The following OTC variants were observed in gnomAD, a reference collection of about 807,000 sequenced individuals.
OTC encodes ornithine transcarbamylase.
OTC carries 3 observed loss-of-function variants against 30.3 expected under a neutral mutation model. The observed-to-expected ratio is 0.10, with a 90% CI of 0.05 to 0.26. The LOEUF is 0.26. OTC is among the 10% of genes least tolerant of loss of function. The pLI is 1.00. For missense variants in OTC, 194 were observed against 260.3 expected (o/e 0.75, Z 1.75); for synonymous variants, 111 against 99.7 (o/e 1.11, Z -0.67).
upstream of OTC, among the ~76,000 whole-genome samples, chrX:38,350,994 A>G (rs190009225): frequency 8.9e-6 from 1 of 111,933 alleles, no homozygotes; most frequent in African/African-American, 3.2e-5. Flanking sequence ...AACCTATTCA[A>G]TAACTGGCCT....
chrX:38,405,430 C>A (rs1163108097), intron 6 of OTC, among the ~76,000 whole-genome samples: 1 of 111,174 alleles, frequency 9.0e-6, no homozygotes, highest in Non-Finnish European at 1.9e-5. Flanking sequence ...CCAGGCATTC[C>A]CATTTTCCCT....
intron 9 of OTC, among the ~76,000 whole-genome samples, chrX:38,419,671 C>G (rs1290856149): frequency 9.0e-6 from 1 of 111,510 alleles, no homozygotes; most frequent in Non-Finnish European, 1.9e-5. Flanking sequence ...TTATGTATGT[C>G]GATTTCATTT....
chrX:38,338,178 C>T, the OTC span, among the ~76,000 whole-genome samples: 1 of 112,110 alleles, frequency 8.9e-6, no homozygotes. Context: ...CATGCAGGAT[C>T]AAACCAAAGT....
At chrX:38,413,665 ATTTTT>A (rs11397097) in intron 9 of OTC, among the ~76,000 whole-genome samples, 1 of 97,196 alleles carries the variant, frequency 1.0e-5, no homozygotes, top group African/African-American at 3.7e-5. Flanking sequence ...TGGCACATCT[ATTTTT>A]TTTTTTTGTT....
At chrX:38,378,572 A>C (rs984947215) in intron 3 of OTC, among the ~76,000 whole-genome samples, 4 of 111,830 alleles carry the variant, frequency 3.6e-5, no homozygotes, top group African/African-American at 1.3e-4. Context: ...ATTAGAGCTA[A>C]TAAGTAGTCA....
chrX:38,412,085 T>A, intron 9 of OTC, 86 bp downstream of exon 9: 1 of 960,953 alleles, frequency 1.0e-6, no homozygotes, highest in Non-Finnish European at 1.5e-6. Flanking sequence ...AATAAGCAAG[T>A]GAGATTATCC....
At chrX:38,335,054 A>G in the OTC span, among the ~76,000 whole-genome samples, 1 of 110,838 alleles carries the variant, frequency 9.0e-6, no homozygotes, top group Admixed American at 9.6e-5. Context: ...AACATTCCCC[A>G]CCCTCTGGTC....
intron 3 of OTC, among the ~76,000 whole-genome samples, chrX:38,380,762 T>A (rs1202243280): frequency 8.9e-6 from 1 of 111,858 alleles, no homozygotes; most frequent in African/African-American, 3.3e-5. Flanking sequence ...AGAGTCTTGC[T>A]CTGTTGCTCA....
chrX:38,364,359 A>G (rs1280396734), intron 1 of OTC, among the ~76,000 whole-genome samples: 1 of 112,193 alleles, frequency 8.9e-6, no homozygotes, highest in Non-Finnish European at 1.9e-5. Context: ...TGGAGAGCCC[A>G]TGACTCACAT....
intron 1 of OTC, among the ~76,000 whole-genome samples, chrX:38,366,611 C>T (rs1482223769): frequency 8.9e-6 from 1 of 111,753 alleles, no homozygotes; most frequent in Non-Finnish European, 1.9e-5. Context: ...TAATTTTATG[C>T]TCACAACAAC....
At chrX:38,412,088 G>C (rs772262922) in intron 9 of OTC, 89 bp downstream of exon 9, 1 of 940,507 alleles carries the variant, frequency 1.1e-6, no homozygotes, top group African/African-American at 2.0e-5. Context: ...AAGCAAGTGA[G>C]ATTATCCAAC....
the OTC span, among the ~76,000 whole-genome samples, chrX:38,328,768 GAAT>G: frequency 4.5e-5 from 5 of 112,178 alleles, no homozygotes; most frequent in Non-Finnish European, 9.4e-5. Flanking sequence ...GCTTTGTAGA[GAAT>G]AAACTGGAGC....
At position 38,390,790 on chromosome X, in the gene OTC, A is replaced by G. The variant is rs185647397; in HGVS notation, c.386+9361A>G. On this transcript the variant is annotated intron_variant, in intron 4 of 9. Coordinates refer to ENST00000039007, the MANE Select transcript of OTC (RefSeq NM_000531.6). The stretch of plus-strand genomic sequence containing the variant: ...CATCCATGTTTGCTCATCAACATCC[A>G]TGTTTGATCTGGCCCAGCACACTAC... 3.2e-4 allele frequency among the ~76,000 whole-genome samples: 36 copies of G among 112,077 alleles called. 2 individuals carry two copies. The Admixed American group carries it at 3.4e-3, about 11-fold the overall frequency.
chrX:38,418,585 C>A (rs1264324826), intron 9 of OTC, among the ~76,000 whole-genome samples: 1 of 111,818 alleles, frequency 8.9e-6, no homozygotes, highest in Non-Finnish European at 1.9e-5. Flanking sequence ...TGGCTGTGTC[C>A]CCACCCAAAT....
rs2068223835 is a variant in OTC at position 38,352,621 on chromosome X, T to C, written c.-76T>C. On this transcript the variant is annotated 5_prime_UTR_variant, in exon 1 of 10. Transcript: ENST00000039007. The stretch of plus-strand genomic sequence containing the variant: ...TGCAACTGAACACATTTCTTAGTTT[T>C]TAGGTGGCCCCCGCTGGCTAACTTG... The C allele has an allele frequency of 1.3e-6, 1 of 760,855 alleles. No homozygotes were observed. The highest frequency in any genetic ancestry group is 2.0e-6 in the Non-Finnish European group (1 of 489,363). The allele number at this position is 760,855 out of a possible 1,213,427, so 62.7% of individuals were successfully genotyped here.
intron 1 of OTC, among the ~76,000 whole-genome samples, chrX:38,354,795 A>G (rs1226946401): frequency 2.7e-5 from 3 of 111,848 alleles, no homozygotes; most frequent in African/African-American, 9.8e-5. Context: ...CTCACGTGGC[A>G]TAGGTATTTT....
intron 4 of OTC, chrX:38,395,934 T>TGA (rs977189382): frequency 2.7e-5 from 3 of 109,623 alleles, no homozygotes; most frequent in African/African-American, 1.0e-4. Context: ...GGCCAGAGGA[T>TGA]GAGAGAGAGC....
chrX:38,352,504 G>T (rs991532676), upstream of OTC: 2 of 420,511 alleles, frequency 4.8e-6, no homozygotes, highest in African/African-American at 5.0e-5. Flanking sequence ...TTGGCATAAA[G>T]TTCAAATGCT....
chrX:38,413,179 G>C (rs1231949376), intron 9 of OTC, among the ~76,000 whole-genome samples: 1 of 112,210 alleles, frequency 8.9e-6, no homozygotes, highest in African/African-American at 3.2e-5. Flanking sequence ...AAGCAAGCTG[G>C]AAAGGACTAG....
Sources: gnomAD v4.1 joint callset for allele counts (sites outside exome capture counted in the v4.1 genomes callset) on GRCh38, gnomAD v4.1.1 for gene constraint, MANE v1.5 for transcripts, NCBI Gene and HGNC (gene_info 2026-07-23, HGNC 2026-07-21) for gene names.